MARK3: variants seen among roughly 807,000 people sequenced by gnomAD.
MARK3 encodes the protein MAP/microtubule affinity-regulating kinase 3.
Under a neutral mutation model 90.1 loss-of-function variants are expected in MARK3, and 46 were observed. That is an observed-to-expected ratio of 0.51 (90% confidence interval 0.40 to 0.65). The LOEUF is 0.65. MARK3 is among the 30% of genes least tolerant of loss of function. The pLI is 0.00. For missense variants in MARK3, 818 were observed against 947.2 expected (o/e 0.86, Z 1.79); for synonymous variants, 321 against 332.6 (o/e 0.97, Z 0.38).
At chr14:103,476,361 C>T (rs1355119481) in intron 13 of MARK3, among the ~76,000 whole-genome samples, 1 of 152,086 alleles carries the variant, frequency 6.6e-6, no homozygotes, top group Non-Finnish European at 1.5e-5. Context: ...GAGTTCTTAC[C>T]ATGTGCCAAG....
rs2092126064 is a variant in MARK3, at chr14:103,419,746, AT to A, written c.244-8636del. Among the ~76,000 whole-genome samples, 6 of 152,208 alleles carry A rather than the reference AT, an allele frequency of 3.9e-5. No individual in the cohort carries two copies. In the South Asian group the frequency reaches 1.2e-3, roughly 31 times the overall value. On this transcript the variant is annotated intron_variant, in intron 2 of 17. Transcript: ENST00000429436. ...CTTGGGGGTGGGTAGACAGTGATGA[AT>A]TTTTATTCAAAACAACTGTAGTGAC...
At position 103,432,457 on chromosome 14, in the gene MARK3, T is replaced by C. The variant is rs562803470; in HGVS notation, c.297+4017T>C. Among the ~76,000 whole-genome samples, 18 of 152,192 alleles carry C rather than the reference T, an allele frequency of 1.2e-4. No homozygotes were observed. The South Asian group carries it at 2.7e-3, about 23-fold the overall frequency. On this transcript the variant is annotated intron_variant, in intron 3 of 17. Coordinates refer to ENST00000429436, the MANE Select transcript of MARK3 (RefSeq NM_001128918.3). Reference sequence around the variant, plus strand: ...CCCTCCCTTCCTTCCACTGGCCTTATCGTGATTGTAAAATAGGGCAACACT... The same window carrying C: ...CCCTCCCTTCCTTCCACTGGCCTTACCGTGATTGTAAAATAGGGCAACACT...
At chr14:103,472,425 C>CG (rs1186924600) in intron 12 of MARK3, among the ~76,000 whole-genome samples, 4 of 151,806 alleles carry the variant, frequency 2.6e-5, no homozygotes, top group African/African-American at 9.7e-5. Flanking sequence ...GGGCGGATCA[C>CG]GAGGTCAGGA....
chr14:103,386,402 C>G (rs1212783790), intron 1 of MARK3: 7 of 639,952 alleles, frequency 1.1e-5, no homozygotes, highest in South Asian at 9.1e-5. Flanking sequence ...TGTGTCAGAT[C>G]ACTGCAGTGG....
chr14:103,385,974 A>G lies in MARK3; in HGVS notation c.-56A>G. 6 of 1,457,052 alleles carry G rather than the reference A, an allele frequency of 4.1e-6. No individual in the cohort carries two copies. Among genetic ancestry groups the G allele is most frequent in the Non-Finnish European group, 4.8e-6 (5 of 1,036,944 alleles). The allele number at this position is 1,457,052 out of a possible 1,614,324, so 90.3% of individuals were successfully genotyped here. On this transcript the variant is annotated 5_prime_UTR_variant, in exon 1 of 18. Coordinates refer to ENST00000429436, the MANE Select transcript of MARK3 (RefSeq NM_001128918.3). ...CGAGGACGCTGGTCGCCGGCCTCCTAGGGCTGTGCTGTTTTGTTTTGACCC... is the reference window on the plus strand; with the variant it reads ...CGAGGACGCTGGTCGCCGGCCTCCTGGGGCTGTGCTGTTTTGTTTTGACCC...
chr14:103,477,359 G>A (rs1045736932), intron 13 of MARK3, among the ~76,000 whole-genome samples: 3 of 152,056 alleles, frequency 2.0e-5, no homozygotes. Flanking sequence ...GGGTATAGTG[G>A]CGTGCTCCTG....
At chr14:103,407,634 C>T (rs2091391877) in intron 2 of MARK3, among the ~76,000 whole-genome samples, 1 of 132,954 alleles carries the variant, frequency 7.5e-6, no homozygotes, top group African/African-American at 2.8e-5. Context: ...GATCTCAGCT[C>T]CCTGTAACCT....
intron 14 of MARK3, among the ~76,000 whole-genome samples, chr14:103,481,757 C>T (rs7141527): frequency 6.2e-3 from 310 of 49,612 alleles, no homozygotes; most frequent in South Asian, 9.9e-3. Flanking sequence ...ATAGGTATTT[C>T]TTTTTTTTTT....
At chr14:103,393,717 A>G (rs1009332253) in intron 1 of MARK3, among the ~76,000 whole-genome samples, 6 of 152,104 alleles carry the variant, frequency 3.9e-5, no homozygotes, top group African/African-American at 1.4e-4. Flanking sequence ...ATAAAAATTA[A>G]TATTAACTAT....
At chr14:103,433,247 G>T (rs2092636023) in intron 3 of MARK3, among the ~76,000 whole-genome samples, 1 of 151,586 alleles carries the variant, frequency 6.6e-6, no homozygotes, top group African/African-American at 2.4e-5. Context: ...CACCACGCCT[G>T]GCTAATTTTT....
At chr14:103,433,087 TCTTTTC>T (rs1419759508) in intron 3 of MARK3, among the ~76,000 whole-genome samples, 2 of 26,518 alleles carry the variant, frequency 7.5e-5, no homozygotes, top group African/African-American at 8.9e-5. Flanking sequence ...TCTTTTCTTT[TCTTTTC>T]TTTTTTTTTT....
chr14:103,403,543 T>A (rs2091099352), intron 1 of MARK3, among the ~76,000 whole-genome samples: 1 of 152,194 alleles, frequency 6.6e-6, no homozygotes, highest in Non-Finnish European at 1.5e-5. Context: ...TTCTAAGATA[T>A]AAGGAATAAT....
At chr14:103,461,518 C>T (rs766769100) in intron 6 of MARK3, among the ~76,000 whole-genome samples, 3 of 152,174 alleles carry the variant, frequency 2.0e-5, no homozygotes, top group Non-Finnish European at 4.4e-5. Context: ...AGTTCACGTA[C>T]GTCGCAACAT....
In MARK3 at chr14:103,465,751, A is replaced by T; in HGVS notation, c.735A>T (p.Thr245=). Residue 245 remains threonine (T), a synonymous_variant, in exon 8 of 18, where the codon ACA becomes ACT. Transcript: ENST00000429436. ...GGAGTCTGGGGGTCATTTTATACACACTAGTCAGTGGCTCACTTCCCTTTG... is the reference window on the plus strand; with the variant it reads ...GGAGTCTGGGGGTCATTTTATACACTCTAGTCAGTGGCTCACTTCCCTTTG... ...DVWSLGVILY[T]LVSGSLPFDG... is the part of the protein sequence containing the mutation. 6.2e-7 allele frequency: 1 copy of T among 1,614,134 alleles called. No individual in the cohort carries two copies. The highest frequency in any genetic ancestry group is 8.5e-7 in the Non-Finnish European group (1 of 1,180,038).
intron 3 of MARK3, among the ~76,000 whole-genome samples, chr14:103,434,129 C>T (rs935173719): frequency 3.9e-5 from 6 of 152,104 alleles, no homozygotes; most frequent in South Asian, 4.1e-4. Context: ...GAGGATACAG[C>T]GTACCAGAGA....
chr14:103,474,204 C>T (rs1036537011), intron 12 of MARK3, among the ~76,000 whole-genome samples: 4 of 151,996 alleles, frequency 2.6e-5, no homozygotes, highest in African/African-American at 4.8e-5. Flanking sequence ...GACTCCGTCT[C>T]GAAAAAGAAA....
At position 103,500,165 on chromosome 14, in the gene MARK3, T is replaced by A. The variant is rs1232299623; in HGVS notation, c.1881T>A (p.Thr627=). 7 of 1,612,252 alleles carry A rather than the reference T, an allele frequency of 4.3e-6. No individual in the cohort carries two copies. Among genetic ancestry groups the A allele is most frequent in the Non-Finnish European group, 5.9e-6 (7 of 1,178,934 alleles). ...MSFRFIKRLP[T]EYERNGRYEG... ...CATTCTGTTCATTGAGGCTTCCAAC[T>A]GAATATGAGAGGAACGGGAGATATG... Residue 627 remains threonine, a synonymous_variant, in exon 17 of 18, where the codon ACT becomes ACA. Transcript: ENST00000429436.
Position 103,502,915 on chromosome 14 carries a change from CAAA to C in MARK3, c.1951_1953del (p.Lys651del), listed in dbSNP as rs2075750855. 1.1e-5 allele frequency: 17 copies of C among 1,612,818 alleles called. No homozygotes were observed. The highest frequency in any genetic ancestry group is 1.7e-4 in the Middle Eastern group (1 of 6,060). On this transcript the variant is annotated inframe_deletion, in exon 18 of 18. Transcript: ENST00000429436. ...TATCTGCTGAGCAAAAAGATGAAAA[CAAA>C]GAAGCAAAGCCTCGATCCCTACGCT...
At chr14:103,497,888 G>C (rs1357740783) in intron 15 of MARK3, among the ~76,000 whole-genome samples, 1 of 152,136 alleles carries the variant, frequency 6.6e-6, no homozygotes, top group Non-Finnish European at 1.5e-5. Flanking sequence ...CAAATGTCTT[G>C]TCACTTCTTT....
Sources: allele counts gnomAD v4.1 joint callset (sites outside exome capture counted in the v4.1 genomes callset), GRCh38; gene constraint gnomAD v4.1.1; transcripts MANE v1.5; gene names NCBI Gene and HGNC (gene_info 2026-07-23, HGNC 2026-07-21).